Variants in COL18A1 observed in about 807,000 individuals in gnomAD.
The protein encoded by COL18A1 is collagen alpha-1(XVIII) chain.
A neutral mutation model predicts 168.0 loss-of-function variants in COL18A1; 133 were observed. That is an observed-to-expected ratio of 0.79 (90% CI 0.69 to 0.91). The LOEUF (loss-of-function observed/expected upper bound fraction) is 0.91. COL18A1 is among the 40% of genes least tolerant of loss of function. The pLI is 0.00. For missense variants in COL18A1, 2,126 were observed against 1,925.4 expected, an observed-to-expected ratio of 1.10 and a Z score of -1.95; for synonymous variants, 949 against 809.0, an observed-to-expected ratio of 1.17 and a Z score of -2.94.
At chr21:45,500,293 AGTGTATATGTGGGTGTGTAGTGGG>A (rs1568933424) in intron 32 of COL18A1, among the ~76,000 whole-genome samples, 19 of 35,692 alleles carry the variant, frequency 5.3e-4, no homozygotes, top group East Asian at 1.0e-3. Context: ...GGGTGTGTGG[AGTGTATATGTGGGTGTGTAGTGGG>A]GGTGTGAGGG....
intron 2 of COL18A1, among the ~76,000 whole-genome samples, chr21:45,419,371 A>G (rs571216813): frequency 2.0e-5 from 3 of 152,200 alleles, no homozygotes; most frequent in African/African-American, 7.2e-5. Context: ...GTGTGTGGTG[A>G]CACGATGCCG....
rs2035106370 is a variant in COL18A1, at chr21:45,463,474, A to G, written c.107-4768A>G. On this transcript the variant is annotated intron_variant, in intron 2 of 41. Transcript: ENST00000651438. This position sits in a 1 kb window ranked among gnomAD's most constrained non-coding sequence, Gnocchi z 4.0. The stretch of plus-strand genomic sequence containing the variant: ...AGCTTTCAGTAGACTCCAGAGTTCC[A>G]AAAGAGTTCTAAGACAAATTCTGCC... Among the ~76,000 whole-genome samples the G allele has an allele frequency of 6.6e-6, 1 of 152,238 alleles. No individual in the cohort carries two copies.
intron 20 of COL18A1, 130 bp from the exon 21 acceptor site, chr21:45,490,706 C>T: frequency 1.0e-6 from 1 of 966,866 alleles, no homozygotes; most frequent in Non-Finnish European, 1.6e-6. Context: ...CTCTTGGTGG[C>T]TGCCTCCCTC....
At chr21:45,479,576 ACTC>A (rs944189702) in intron 9 of COL18A1, among the ~76,000 whole-genome samples, 3 of 149,328 alleles carry the variant, frequency 2.0e-5, no homozygotes, top group African/African-American at 5.0e-5. Flanking sequence ...TACACACCAC[ACTC>A]CTCACACACA....
intron 13 of COL18A1, among the ~76,000 whole-genome samples, chr21:45,481,649 G>A (rs1369485789): frequency 6.6e-6 from 1 of 152,260 alleles, no homozygotes; most frequent in Non-Finnish European, 1.5e-5. Flanking sequence ...TAAAGAACAT[G>A]CCTAATCCAT....
intron 38 of COL18A1, among the ~76,000 whole-genome samples, chr21:45,508,990 C>T (rs2037412345): frequency 6.6e-6 from 1 of 152,070 alleles, no homozygotes; most frequent in African/African-American, 2.4e-5. Flanking sequence ...CTGAGGGAGA[C>T]AGAGCAAGGC....
At chr21:45,481,347 C>T (rs568331219) in intron 13 of COL18A1, among the ~76,000 whole-genome samples, 87 of 152,266 alleles carry the variant, frequency 5.7e-4, no homozygotes, top group African/African-American at 2.1e-3. Flanking sequence ...AGCTGTGCCA[C>T]ACATGATGGG....
At chr21:45,419,564 G>T (rs1320597807) in intron 2 of COL18A1, among the ~76,000 whole-genome samples, 5 of 152,136 alleles carry the variant, frequency 3.3e-5, no homozygotes, top group African/African-American at 1.2e-4. Context: ...GTCCTGCCAG[G>T]TACAGTGTTT....
chr21:45,422,741 C>T (rs953683397), intron 2 of COL18A1: 8 of 265,658 alleles, frequency 3.0e-5, no homozygotes, highest in South Asian at 1.9e-4. Context: ...GGTGGAGGGG[C>T]CTGTTCTTTG....
intron 2 of COL18A1, among the ~76,000 whole-genome samples, chr21:45,412,712 C>G: frequency 6.6e-6 from 1 of 152,184 alleles, no homozygotes; most frequent in East Asian, 1.9e-4. Flanking sequence ...GCTGAGGGGC[C>G]GTGAGGGTCC....
intron 2 of COL18A1, among the ~76,000 whole-genome samples, chr21:45,437,071 T>G (rs1452823130): frequency 6.6e-6 from 1 of 151,804 alleles, no homozygotes; most frequent in Non-Finnish European, 1.5e-5. Context: ...GTGTGTGCTG[T>G]TCACACCACA....
chr21:45,494,635 G>A (rs1048964832), intron 27 of COL18A1, 64 bp downstream of exon 27: 18 of 1,605,788 alleles, frequency 1.1e-5, no homozygotes, highest in Admixed American at 3.3e-5. Flanking sequence ...GGACACGGTC[G>A]CCCGCGGCTG....
rs998472483 is a variant in COL18A1, at chr21:45,471,879, C to T, written c.652-2016C>T. On this transcript the variant is annotated intron_variant, in intron 3 of 41. Transcript: ENST00000651438. This position sits in a 1 kb window ranked among gnomAD's most constrained non-coding sequence, Gnocchi z 4.4. ...TCTCCGGATTTCATAACTTTCAGTC[C>T]GAAGTCCCTTAAATATTTACAATGG... Among the ~76,000 whole-genome samples, 4 of 152,176 alleles carry T rather than the reference C, an allele frequency of 2.6e-5. No individual in the cohort carries two copies. The highest frequency in any genetic ancestry group is 9.7e-5 in the African/African-American group (4 of 41,434).
chr21:45,479,871 C>T (rs771417731), intron 9 of COL18A1, 31 bp from the exon 10 acceptor site: 63 of 1,612,982 alleles, frequency 3.9e-5, no homozygotes, highest in Non-Finnish European at 5.2e-5. Context: ...TGGTGCCTTC[C>T]CTGACCGGGC....
intron 29 of COL18A1, chr21:45,495,752 A>ACACATGCCCATACACTCCACATAGGTG: frequency 2.6e-6 from 1 of 389,410 alleles, no homozygotes; most frequent in South Asian, 2.1e-5. Context: ...TCATGTGTGT[A>ACACATGCCCATACACTCCACATAGGTG]CACATGCCCA....
chr21:45,509,208 C>G (rs898981356), intron 38 of COL18A1, 148 bp from the exon 39 acceptor site: 4 of 1,108,502 alleles, frequency 3.6e-6, no homozygotes, highest in African/African-American at 1.6e-5. Flanking sequence ...TGCCTACACC[C>G]CCAGGGCAGC....
At chr21:45,442,904 G>GGGC (rs2034412941) in intron 2 of COL18A1, among the ~76,000 whole-genome samples, 1 of 136,356 alleles carries the variant, frequency 7.3e-6, no homozygotes, top group African/African-American at 3.0e-5. Flanking sequence ...GTGCTGATGT[G>GGGC]GGTGGTGGTG....
rs557153845 is a variant in COL18A1, at chr21:45,513,418, C to T, written c.*1020C>T. The T allele has an allele frequency of 6.6e-6, 1 of 152,288 alleles. No homozygotes were observed. The highest frequency in any genetic ancestry group is 2.4e-5 in the African/African-American group (1 of 41,466). 9.4% of individuals were successfully genotyped at this position (152,288 alleles called of 1,614,324 possible). Reference sequence around the variant, plus strand: ...GTCTCCTAGGAAACCCATATCCTTACCCTCCTTGGGACTGAAGGGGAACCC... The same window carrying T: ...GTCTCCTAGGAAACCCATATCCTTATCCTCCTTGGGACTGAAGGGGAACCC... On this transcript the variant is annotated 3_prime_UTR_variant, in exon 42 of 42. Coordinates refer to ENST00000651438, the MANE Select transcript of COL18A1 (RefSeq NM_001379500.1).
chr21:45,505,757 C>A, intron 36 of COL18A1, 81 bp from the exon 37 acceptor site: 1 of 1,162,694 alleles, frequency 8.6e-7, no homozygotes, highest in Admixed American at 2.0e-5. Context: ...GCCCAGCACC[C>A]TGAAACGGGC....
Sources: allele counts gnomAD v4.1 joint callset (sites outside exome capture counted in the v4.1 genomes callset), GRCh38; gene constraint gnomAD v4.1.1; non-coding constraint Gnocchi (gnomAD v3.1); transcripts MANE v1.5; gene names NCBI Gene and HGNC (gene_info 2026-07-23, HGNC 2026-07-21).